The following SQOR variants were observed in gnomAD, a reference collection of about 807,000 sequenced individuals.
SQOR encodes the protein sulfide:quinone oxidoreductase, mitochondrial.
SQOR carries 39 observed loss-of-function variants against 48.6 expected under a neutral mutation model. That is an observed-to-expected ratio of 0.80 (90% CI 0.62 to 1.05). SQOR has a LOEUF of 1.05. Ranked by LOEUF, SQOR falls within the 50% of genes least tolerant of loss-of-function variation. The probability of loss-of-function intolerance (pLI) is 0.00; values close to 1 mark genes in which losing one functional copy is unlikely to be tolerated. For missense variants in SQOR, 561 were observed against 559.9 expected (o/e 1.00, Z -0.02); for synonymous variants, 220 against 206.2 (o/e 1.07, Z -0.57).
intron 7 of SQOR, among the ~76,000 whole-genome samples, chr15:45,683,951 GC>G (rs999234675): frequency 2.0e-5 from 3 of 151,402 alleles, no homozygotes; most frequent in African/African-American, 7.3e-5. Context: ...CACTCTTGTT[GC>G]CTGGACTGGA....
At chr15:45,658,056 C>G (rs1435963412) in intron 1 of SQOR, among the ~76,000 whole-genome samples, 1 of 152,096 alleles carries the variant, frequency 6.6e-6, no homozygotes, top group Non-Finnish European at 1.5e-5. Context: ...AAAGCACTAA[C>G]TGCTGAGAGT....
intron 1 of SQOR, among the ~76,000 whole-genome samples, chr15:45,635,812 T>C (rs959710036): frequency 2.0e-5 from 3 of 151,590 alleles, no homozygotes; most frequent in Non-Finnish European, 2.9e-5. Context: ...CCCTTTGGCA[T>C]TTCTGGGAAG....
chr15:45,688,474 C>A, intron 8 of SQOR, 70 bp downstream of exon 8: 1 of 1,142,950 alleles, frequency 8.7e-7, no homozygotes, highest in Non-Finnish European at 1.2e-6. Context: ...AGTGTTTTCC[C>A]ACAATTTTGC....
At chr15:45,659,215 T>TGTGTGTGTGTGTGTGTGA (rs1595576421) in intron 2 of SQOR, 58 bp downstream of exon 2, 3 of 1,186,360 alleles carry the variant, frequency 2.5e-6, no homozygotes, top group Non-Finnish European at 3.4e-6. Flanking sequence ...TGTGTGAGTG[T>TGTGTGTGTGTGTGTGTGA]GTGTGTGTGT....
chr15:45,679,477 G>A (rs767404508), intron 6 of SQOR, among the ~76,000 whole-genome samples: 3 of 152,142 alleles, frequency 2.0e-5, no homozygotes, highest in Non-Finnish European at 4.4e-5. Context: ...GCCGAGGCGG[G>A]TGGATCACGA....
rs748292795 is a variant in SQOR at position 45,659,025 on chromosome 15, C to T, written c.102C>T (p.Thr34=). The T allele has an allele frequency of 2.1e-5, 33 of 1,601,960 alleles. No individual in the cohort carries two copies. The highest frequency in any genetic ancestry group is 4.5e-5 in the East Asian group (2 of 44,458). The part of the protein sequence containing the change: ...TQQVGPLQLH[T]GASHAARNHY... ...AGGTCGGCCCCCTTCAGCTGCACAC[C>T]GGGGCCAGCCATGCGGCCAGGAACC... is the stretch of plus-strand genomic sequence containing the variant. The change falls in exon 2 of 10, where the codon ACC becomes ACT. Residue 34 remains threonine, a synonymous_variant. Transcript: ENST00000260324.
chr15:45,668,015 G>A (rs1354725843), intron 3 of SQOR, among the ~76,000 whole-genome samples: 4 of 146,388 alleles, frequency 2.7e-5, no homozygotes, highest in Non-Finnish European at 5.9e-5. Flanking sequence ...CGTGATCTTG[G>A]CTCACTGCAA....
intron 7 of SQOR, among the ~76,000 whole-genome samples, chr15:45,683,026 C>CAAAAAAAAAAAAAAA (rs34072446): frequency 2.5e-5 from 3 of 119,892 alleles, no homozygotes; most frequent in African/African-American, 1.0e-4. Flanking sequence ...GGCTTCATCT[C>CAAAAAAAAAAAAAAA]AAAAAAAAAA....
chr15:45,674,084 T>G (rs1889992129), intron 5 of SQOR: 1 of 398,912 alleles, frequency 2.5e-6, no homozygotes, highest in Non-Finnish European at 4.6e-6. Flanking sequence ...ATGAAAAATT[T>G]AGCTGTATTA....
chr15:45,664,226 C>T (rs536105894), intron 3 of SQOR, among the ~76,000 whole-genome samples: 1 of 152,204 alleles, frequency 6.6e-6, no homozygotes, highest in Admixed American at 6.5e-5. Context: ...AGCCAGAATC[C>T]ACCTTCCTGT....
At chr15:45,650,921 C>T (rs1022144541) in intron 1 of SQOR, among the ~76,000 whole-genome samples, 2 of 152,228 alleles carry the variant, frequency 1.3e-5, no homozygotes, top group Admixed American at 1.3e-4. Flanking sequence ...CTCCAAGTCC[C>T]CACCTGACTC....
At chr15:45,686,152 A>ATAT (rs145508539) in intron 7 of SQOR, among the ~76,000 whole-genome samples, 5 of 150,114 alleles carry the variant, frequency 3.3e-5, no homozygotes, top group South Asian at 4.2e-4. Context: ...GGCCTCATTT[A>ATAT]ATATATATAT....
chr15:45,640,332 G>A (rs1895083473), intron 1 of SQOR, among the ~76,000 whole-genome samples: 1 of 152,154 alleles, frequency 6.6e-6, no homozygotes, highest in African/African-American at 2.4e-5. Flanking sequence ...CACCCAATCT[G>A]ATCCTTTATT....
Position 45,659,011 on chromosome 15 carries a change from C to T in SQOR, c.88C>T (p.Leu30Phe). Residue 30 changes from leucine to phenylalanine, a missense_variant, in exon 2 of 10, where the codon CTT (leucine) becomes TTT (phenylalanine). Transcript: ENST00000260324. Reference protein sequence around the residue: ...LRLGTQQVGPLQLHTGASHAA... With the variant: ...LRLGTQQVGPFQLHTGASHAA... ...GCTGGGCACTCAGCAGGTCGGCCCC[C>T]TTCAGCTGCACACCGGGGCCAGCCA... 6.2e-7 allele frequency: 1 copy of T among 1,603,984 alleles called. No individual in the cohort carries two copies. Among genetic ancestry groups the T allele is most frequent in the Non-Finnish European group, 8.5e-7 (1 of 1,175,528 alleles).
At chr15:45,665,605 A>G (rs1188299055) in intron 3 of SQOR, among the ~76,000 whole-genome samples, 6 of 145,542 alleles carry the variant, frequency 4.1e-5, no homozygotes, top group Non-Finnish European at 6.0e-5. Context: ...TTTTTTGGAG[A>G]CAGAGTCTCA....
rs761023993 is a variant in SQOR, at chr15:45,673,653, A to C, written c.506A>C (p.Asn169Thr). ...EGFAHPKIGS[N>T]YSVKTVEKTW... is the part of the protein sequence containing the mutation. ...TTCGCTCATCCCAAAATAGGGTCGA[A>C]TTATTCAGTTAAGACTGTAGAGAAG... The change falls in exon 5 of 10, where the codon AAT becomes ACT. Residue 169 changes from asparagine (N) to threonine (T), a missense_variant. Physicochemically the swap from Asn to Thr is moderately conservative, Grantham distance 65. Transcript: ENST00000260324. The C allele has an allele frequency of 6.2e-7, 1 of 1,614,230 alleles. No individual in the cohort carries two copies. The highest frequency in any genetic ancestry group is 2.2e-5 in the East Asian group (1 of 44,888).
intron 1 of SQOR, among the ~76,000 whole-genome samples, chr15:45,644,809 T>C (rs1895175844): frequency 6.6e-6 from 1 of 152,202 alleles, no homozygotes; most frequent in Admixed American, 6.5e-5. Context: ...TGTAGTTGTC[T>C]GATGCCTGGC....
At chr15:45,655,049 C>T (rs768229294) in intron 1 of SQOR, among the ~76,000 whole-genome samples, 2 of 152,124 alleles carry the variant, frequency 1.3e-5, no homozygotes, top group South Asian at 2.1e-4. Context: ...GTCTGCAGCT[C>T]GATTTTACAG....
At chr15:45,667,426 T>C (rs914464412) in intron 3 of SQOR, among the ~76,000 whole-genome samples, 5 of 152,136 alleles carry the variant, frequency 3.3e-5, no homozygotes, top group African/African-American at 1.2e-4. Flanking sequence ...CTGACCCCTG[T>C]GTAATATGAG....
Sources: gnomAD v4.1 joint callset for allele counts (sites outside exome capture counted in the v4.1 genomes callset) on GRCh38, gnomAD v4.1.1 for gene constraint, MANE v1.5 for transcripts, NCBI Gene and HGNC (gene_info 2026-07-23, HGNC 2026-07-21) for gene names.